The following CFAP20DC variants were observed in gnomAD, a reference collection of about 807,000 sequenced individuals.
CFAP20DC encodes the protein protein CFAP20DC.
Under a neutral mutation model 101.7 loss-of-function variants are expected in CFAP20DC, and 84 were observed. The observed-to-expected ratio is 0.83, with a 90% CI of 0.69 to 0.99. The LOEUF (loss-of-function observed/expected upper bound fraction) is 0.99. Ranked by LOEUF, CFAP20DC falls within the 50% of genes least tolerant of loss-of-function variation. CFAP20DC has a pLI of 0.00. For synonymous variants in CFAP20DC, 359 were observed against 351.2 expected, an observed-to-expected ratio of 1.02 and a Z score of -0.25; for missense variants, 1,007 against 970.3, an observed-to-expected ratio of 1.04 and a Z score of -0.50.
At chr3:58,798,222 G>T (rs55929542) in intron 15 of CFAP20DC, among the ~76,000 whole-genome samples, 2 of 152,088 alleles carry the variant, frequency 1.3e-5, no homozygotes, top group South Asian at 4.1e-4. Flanking sequence ...AAACTTTCTG[G>T]AAAGAATTCA....
At chr3:58,928,925 T>C (rs532534496) in intron 5 of CFAP20DC, among the ~76,000 whole-genome samples, 1 of 152,350 alleles carries the variant, frequency 6.6e-6, no homozygotes, top group Admixed American at 6.5e-5. Flanking sequence ...TCTCCTTTTT[T>C]TTATATTCTC....
chr3:58,988,973 A>T (rs893891330), intron 4 of CFAP20DC, among the ~76,000 whole-genome samples: 2 of 152,164 alleles, frequency 1.3e-5, no homozygotes, highest in African/African-American at 4.8e-5. Context: ...GTTTTTTTAA[A>T]AACTATTTTT....
At chr3:58,872,380 TAAAAA>T (rs60488531) in intron 7 of CFAP20DC, among the ~76,000 whole-genome samples, 1 of 147,218 alleles carries the variant, frequency 6.8e-6, no homozygotes, top group Non-Finnish European at 1.5e-5. Context: ...GCATCAGTCT[TAAAAA>T]AAAAAAGACA....
intron 15 of CFAP20DC, 61 bp from the exon 16 acceptor site, chr3:58,753,924 C>T (rs1423133616): frequency 1.6e-6 from 2 of 1,216,040 alleles, no homozygotes; most frequent in Non-Finnish European, 2.4e-6. Context: ...TTTAGGTTTC[C>T]CATGGATTTT....
At chr3:58,980,061 C>T (rs1347207104) in intron 4 of CFAP20DC, among the ~76,000 whole-genome samples, 1 of 152,070 alleles carries the variant, frequency 6.6e-6, no homozygotes, top group African/African-American at 2.4e-5. Flanking sequence ...AGTTATCCAC[C>T]CTACCACTGC....
intron 16 of CFAP20DC, among the ~76,000 whole-genome samples, chr3:58,745,140 C>T (rs2068106013): frequency 6.6e-6 from 1 of 152,134 alleles, no homozygotes; most frequent in Non-Finnish European, 1.5e-5. Context: ...TGCCTCTATC[C>T]TTGAGAGTAT....
At chr3:58,984,594 TTATTTAAAGAC>T (rs2092690597) in intron 4 of CFAP20DC, among the ~76,000 whole-genome samples, 1 of 152,228 alleles carries the variant, frequency 6.6e-6, no homozygotes, top group African/African-American at 2.4e-5. Context: ...CAAATTATAG[TTATTTAAAGAC>T]TCTTGAATTG....
intron 4 of CFAP20DC, among the ~76,000 whole-genome samples, chr3:58,985,952 G>C (rs945259929): frequency 2.0e-5 from 3 of 152,188 alleles, no homozygotes; most frequent in African/African-American, 7.2e-5. Context: ...CTGGATGAGA[G>C]AATGTCCAGA....
At chr3:58,958,986 T>C (rs552819604) in intron 4 of CFAP20DC, among the ~76,000 whole-genome samples, 1 of 152,360 alleles carries the variant, frequency 6.6e-6, no homozygotes, top group Admixed American at 6.5e-5. Context: ...TTTTTTCTTA[T>C]ACTAATCATA....
chr3:58,814,925 A>G (rs2074989415), intron 14 of CFAP20DC, among the ~76,000 whole-genome samples: 1 of 150,752 alleles, frequency 6.6e-6, no homozygotes, highest in East Asian at 2.0e-4. Flanking sequence ...GAAAATGGCC[A>G]TACTGCCCAA....
chr3:58,784,611 A>G (rs1210598987), intron 15 of CFAP20DC, among the ~76,000 whole-genome samples: 1 of 152,104 alleles, frequency 6.6e-6, no homozygotes, highest in African/African-American at 2.4e-5. Flanking sequence ...TATTGTGAAT[A>G]GTGCTGTGAT....
In CFAP20DC at chr3:58,825,712, A is replaced by G. The variant is rs74400760; in HGVS notation, c.2175+5974T>C. 3.7e-4 allele frequency among the ~76,000 whole-genome samples: 57 copies of G among 152,268 alleles called. No individual in the cohort carries two copies. In the East Asian group the frequency reaches 9.1e-3, roughly 24 times the overall value. ...GGCTACTCCTAACAGAAACTCTCCA[A>G]AATTGATTGATTGTAGCCTGGTTTC... On this transcript the variant is annotated intron_variant, in intron 14 of 16. Coordinates refer to ENST00000482387, the MANE Select transcript of CFAP20DC (RefSeq NM_001394063.1).
chr3:58,960,276 T>G (rs2091019511), intron 4 of CFAP20DC, among the ~76,000 whole-genome samples: 1 of 152,090 alleles, frequency 6.6e-6, no homozygotes, highest in Non-Finnish European at 1.5e-5. Context: ...GTGGATCACC[T>G]GAGGTCGGGA....
intron 4 of CFAP20DC, among the ~76,000 whole-genome samples, chr3:58,985,247 A>G (rs2092711883): frequency 6.6e-6 from 1 of 152,012 alleles, no homozygotes; most frequent in Non-Finnish European, 1.5e-5. Context: ...TCATTTATTA[A>G]TATTCTTCCT....
At chr3:58,860,863 T>G (rs962170289) in intron 12 of CFAP20DC, among the ~76,000 whole-genome samples, 1 of 152,334 alleles carries the variant, frequency 6.6e-6, no homozygotes, top group African/African-American at 2.4e-5. Context: ...CTTGATTTTA[T>G]AGCTCACTAG....
At chr3:58,758,142 T>G (rs1224280002) in intron 15 of CFAP20DC, among the ~76,000 whole-genome samples, 1 of 152,044 alleles carries the variant, frequency 6.6e-6, no homozygotes, top group Non-Finnish European at 1.5e-5. Flanking sequence ...GGTGGCATTT[T>G]GTTTGTTTGT....
At chr3:58,735,634 C>G (rs2067735487) in intron 3 of CFAP20DC, among the ~76,000 whole-genome samples, 1 of 152,082 alleles carries the variant, frequency 6.6e-6, no homozygotes, top group South Asian at 2.1e-4. Context: ...ATCATGATGC[C>G]CAGGCCACAG....
At chr3:59,038,840 C>G (rs1199344058) in intron 4 of CFAP20DC, among the ~76,000 whole-genome samples, 1 of 151,964 alleles carries the variant, frequency 6.6e-6, no homozygotes, top group Non-Finnish European at 1.5e-5. Context: ...ATCATTTATT[C>G]TGGCATGGAA....
intron 4 of CFAP20DC, among the ~76,000 whole-genome samples, chr3:58,972,525 C>T (rs1044157432): frequency 1.3e-5 from 2 of 151,968 alleles, no homozygotes; most frequent in African/African-American, 4.8e-5. Flanking sequence ...TACACTGGTG[C>T]CATTTTTATA....
Sources: allele counts gnomAD v4.1 joint callset (sites outside exome capture counted in the v4.1 genomes callset), GRCh38; gene constraint gnomAD v4.1.1; transcripts MANE v1.5; gene names NCBI Gene and HGNC (gene_info 2026-07-23, HGNC 2026-07-21).